ZNF385D: variants seen among roughly 807,000 people sequenced by gnomAD.
ZNF385D encodes the protein zinc finger protein 659.
A neutral mutation model predicts 35.8 loss-of-function variants in ZNF385D; 15 were observed. That is an observed-to-expected ratio of 0.42 (90% CI 0.28 to 0.64). The LOEUF is 0.64. Ranked by LOEUF, ZNF385D falls within the 30% of genes least tolerant of loss-of-function variation. The pLI is 0.23. For missense variants in ZNF385D, 474 were observed against 494.6 expected (o/e 0.96, Z 0.39); for synonymous variants, 212 against 186.8 (o/e 1.13, Z -1.10).
intron 4 of ZNF385D, among the ~76,000 whole-genome samples, chr3:21,438,919 T>C (rs1575146060): frequency 6.6e-6 from 1 of 152,092 alleles, no homozygotes; most frequent in East Asian, 1.9e-4. Flanking sequence ...TATTAAAATA[T>C]GAAGTAACTG....
At chr3:21,880,874 G>A (rs1482064226) in intron 3 of ZNF385D, among the ~76,000 whole-genome samples, 1 of 151,720 alleles carries the variant, frequency 6.6e-6, no homozygotes, top group Non-Finnish European at 1.5e-5. Context: ...CTGATACGAA[G>A]AAAGTTTTGG....
chr3:21,610,778 C>G (rs71310264), intron 2 of ZNF385D, among the ~76,000 whole-genome samples: 2 of 126,656 alleles, frequency 1.6e-5, no homozygotes, highest in Admixed American at 1.5e-4. Context: ...CCGTCCCCCC[C>G]AAAAAAAAAA....
chr3:21,426,358 T>A (rs996784309), intron 5 of ZNF385D, among the ~76,000 whole-genome samples: 14 of 152,158 alleles, frequency 9.2e-5, no homozygotes, highest in African/African-American at 3.4e-4. Context: ...GATGGATAAC[T>A]GCTTCCTTTT....
intron 3 of ZNF385D, among the ~76,000 whole-genome samples, chr3:21,828,387 T>C (rs1221208073): frequency 6.6e-6 from 1 of 152,184 alleles, no homozygotes; most frequent in African/African-American, 2.4e-5. Flanking sequence ...ATATAATAAA[T>C]ATATGTTTTA....
chr3:21,693,971 C>T (rs1201793981), intron 1 of ZNF385D, among the ~76,000 whole-genome samples: 3 of 148,118 alleles, frequency 2.0e-5, no homozygotes, highest in East Asian at 2.0e-4. Context: ...CTCCACCTCC[C>T]GGGTTCAAGC....
chr3:21,511,733 A>T (rs2125469913), intron 3 of ZNF385D: 1 of 456,554 alleles, frequency 2.2e-6, no homozygotes, highest in South Asian at 1.5e-5. Flanking sequence ...TAATGGGGCC[A>T]ATCCAGTTCT....
At chr3:22,270,587 A>G (rs1576592777) in intron 2 of ZNF385D, among the ~76,000 whole-genome samples, 1 of 152,012 alleles carries the variant, frequency 6.6e-6, no homozygotes, top group East Asian at 1.9e-4. Context: ...TCCTAGATAC[A>G]ATAAAATTTA....
At chr3:22,115,736 G>T (rs1702774704) in intron 3 of ZNF385D, among the ~76,000 whole-genome samples, 2 of 151,996 alleles carry the variant, frequency 1.3e-5, no homozygotes, top group African/African-American at 4.8e-5. Context: ...ATTTCCTAAT[G>T]CAAAGAAAAA....
intron 3 of ZNF385D, among the ~76,000 whole-genome samples, chr3:21,757,548 G>T (rs1031449059): frequency 2.0e-5 from 3 of 152,138 alleles, no homozygotes; most frequent in African/African-American, 7.2e-5. Context: ...TAACCTTGGA[G>T]GTGGTTGTGG....
intron 2 of ZNF385D, among the ~76,000 whole-genome samples, chr3:22,226,186 T>C (rs1698547449): frequency 6.6e-6 from 1 of 150,392 alleles, no homozygotes; most frequent in African/African-American, 2.4e-5. Context: ...TTTCCAAGTT[T>C]GATCCTATAT....
intron 2 of ZNF385D, among the ~76,000 whole-genome samples, chr3:22,288,866 C>A (rs1240331317): frequency 6.6e-6 from 1 of 152,062 alleles, no homozygotes; most frequent in African/African-American, 2.4e-5. Context: ...AAAAGAAGAA[C>A]CTCACCAATC....
At chr3:21,966,953 G>A (rs1056562293) in intron 3 of ZNF385D, among the ~76,000 whole-genome samples, 5 of 152,180 alleles carry the variant, frequency 3.3e-5, no homozygotes, top group Admixed American at 2.6e-4. Context: ...GCACATGCAC[G>A]TGGATTTATG....
intron 3 of ZNF385D, among the ~76,000 whole-genome samples, chr3:21,975,125 T>C (rs898769178): frequency 3.3e-5 from 5 of 152,194 alleles, no homozygotes; most frequent in Admixed American, 2.0e-4. Context: ...CTTCCACAGT[T>C]TGTGGCAGCA....
intron 3 of ZNF385D, among the ~76,000 whole-genome samples, chr3:22,110,937 G>A (rs190552098): frequency 6.6e-6 from 1 of 152,042 alleles, no homozygotes; most frequent in East Asian, 1.9e-4. Flanking sequence ...AATGTAAAAT[G>A]GATTTTACAG....
At chr3:22,004,303 A>T (rs1426425093) in intron 3 of ZNF385D, among the ~76,000 whole-genome samples, 1 of 152,206 alleles carries the variant, frequency 6.6e-6, no homozygotes, top group African/African-American at 2.4e-5. Flanking sequence ...TAAATACTTA[A>T]ATATAAGACT....
At chr3:22,169,028 G>C (rs1706516003) in exon 3 of ZNF385D, 5 of 985,734 alleles carry the variant, frequency 5.1e-6, no homozygotes, top group Non-Finnish European at 6.0e-6. Context: ...CGTGTACACA[G>C]GTGAAATCTG....
chr3:22,060,909 T>C (rs1699655021), intron 3 of ZNF385D, among the ~76,000 whole-genome samples: 1 of 152,040 alleles, frequency 6.6e-6, no homozygotes, highest in African/African-American at 2.4e-5. Flanking sequence ...GAAAAATCTA[T>C]AAAAAATTTT....
intron 2 of ZNF385D, among the ~76,000 whole-genome samples, chr3:22,326,460 G>T (rs887216377): frequency 1.3e-5 from 2 of 152,140 alleles, no homozygotes; most frequent in Non-Finnish European, 2.9e-5. Context: ...ATTATCTCCT[G>T]TTATTTCGCA....
Position 22,160,218 on chromosome 3 carries a change from A to C in ZNF385D, c.325+8599T>G, listed in dbSNP as rs576417219. Among the ~76,000 whole-genome samples, 26 of 152,226 alleles carry C rather than the reference A, an allele frequency of 1.7e-4. No individual in the cohort carries two copies. The South Asian group carries it at 3.9e-3, about 23-fold the overall frequency. ...TTGGCCAGTTCTGTATAGCAGTATG[A>C]AAATGGACTAATACATATACTGATA... On this transcript the variant is annotated intron_variant, in intron 3 of 5. Transcript: ENST00000494108.
Sources: allele counts gnomAD v4.1 joint callset (sites outside exome capture counted in the v4.1 genomes callset), GRCh38; gene constraint gnomAD v4.1.1; transcripts MANE v1.5; gene names NCBI Gene and HGNC (gene_info 2026-07-23, HGNC 2026-07-21).